The following CNTN5 variants were observed in gnomAD, a reference collection of about 807,000 sequenced individuals.
CNTN5 encodes the protein contactin 5.
CNTN5 carries 77 observed loss-of-function variants against 129.1 expected under a neutral mutation model. That is an observed-to-expected ratio of 0.60 (90% CI 0.50 to 0.72). The LOEUF is 0.72. Ranked by LOEUF, CNTN5 falls within the 30% of genes least tolerant of loss-of-function variation. The pLI, the probability that CNTN5 is intolerant of heterozygous loss-of-function variation, is 0.00. For synonymous variants in CNTN5, 509 were observed against 465.6 expected (o/e 1.09, Z -1.20); for missense variants, 1,478 against 1,328.8 (o/e 1.11, Z -1.75).
chr11:100,098,053 A>G (rs1945073021), intron 13 of CNTN5, among the ~76,000 whole-genome samples: 2 of 152,166 alleles, frequency 1.3e-5, no homozygotes, highest in South Asian at 4.1e-4. Flanking sequence ...TTTACGAGCT[A>G]AAAGTCATCA....
intron 2 of CNTN5, among the ~76,000 whole-genome samples, chr11:99,333,984 A>T (rs1339672092): frequency 6.6e-6 from 1 of 151,868 alleles, no homozygotes; most frequent in African/African-American, 2.4e-5. Flanking sequence ...ACACACACAC[A>T]CACACACACA....
chr11:99,404,976 A>C (rs981407148), intron 2 of CNTN5, among the ~76,000 whole-genome samples: 3 of 152,114 alleles, frequency 2.0e-5, no homozygotes, highest in South Asian at 4.2e-4. Flanking sequence ...TTGAAGGATA[A>C]TTTCACCGAA....
chr11:99,490,003 T>A (rs1945973681), intron 2 of CNTN5, among the ~76,000 whole-genome samples: 2 of 152,202 alleles, frequency 1.3e-5, no homozygotes, highest in African/African-American at 4.8e-5. Context: ...TTTTATTATA[T>A]CTGGACATAT....
intron 3 of CNTN5, among the ~76,000 whole-genome samples, chr11:99,592,514 A>G (rs916372078): frequency 3.3e-5 from 5 of 152,284 alleles, no homozygotes; most frequent in Admixed American, 2.6e-4. Flanking sequence ...TTTGAGTATG[A>G]TAACATGGGA....
intron 13 of CNTN5, among the ~76,000 whole-genome samples, chr11:100,188,162 A>G (rs905643932): frequency 6.6e-6 from 1 of 152,170 alleles, no homozygotes; most frequent in Non-Finnish European, 1.5e-5. Context: ...ACAAGAGGCC[A>G]GCCAGGTGCA....
At chr11:99,933,814 G>A (rs1005549117) in intron 7 of CNTN5, among the ~76,000 whole-genome samples, 9 of 152,188 alleles carry the variant, frequency 5.9e-5, no homozygotes, top group Non-Finnish European at 1.3e-4. Flanking sequence ...ATCAGTTGAT[G>A]TACATTTCAG....
chr11:99,885,246 C>T (rs779035323), intron 6 of CNTN5, among the ~76,000 whole-genome samples: 2 of 151,910 alleles, frequency 1.3e-5, no homozygotes, highest in Non-Finnish European at 2.9e-5. Context: ...CATGCTGCTG[C>T]ACTCCAGCCT....
chr11:99,113,583 G>A (rs948556112), intron 1 of CNTN5, among the ~76,000 whole-genome samples: 32 of 151,996 alleles, frequency 2.1e-4, no homozygotes, highest in Non-Finnish European at 5.9e-5. Flanking sequence ...GTCAGCTGAA[G>A]CATTTCTCCA....
chr11:99,695,398 T>C (rs922120524), intron 3 of CNTN5, among the ~76,000 whole-genome samples: 1 of 152,098 alleles, frequency 6.6e-6, no homozygotes, highest in Non-Finnish European at 1.5e-5. Flanking sequence ...CATGTGAAGA[T>C]AGACACCAGG....
intron 2 of CNTN5, among the ~76,000 whole-genome samples, chr11:99,466,987 T>C (rs1289117895): frequency 6.6e-6 from 1 of 152,160 alleles, no homozygotes; most frequent in Non-Finnish European, 1.5e-5. Context: ...AATGAATGTA[T>C]TTACTGAATG....
chr11:100,208,227 G>A (rs1342779907), intron 15 of CNTN5, among the ~76,000 whole-genome samples: 3 of 152,130 alleles, frequency 2.0e-5, no homozygotes, highest in Non-Finnish European at 4.4e-5. Flanking sequence ...AAAACCTAGT[G>A]GCTTCAAATA....
chr11:99,181,368 CA>C lies in CNTN5; in HGVS notation c.-209-143974del, dbSNP rs1017627529. Among the ~76,000 whole-genome samples, 8 of 152,242 alleles carry C rather than the reference CA, an allele frequency of 5.3e-5. No homozygotes were observed. The South Asian group carries it at 1.7e-3, about 32-fold the overall frequency. On this transcript the variant is annotated intron_variant, in intron 1 of 24. Coordinates refer to ENST00000524871, the MANE Select transcript of CNTN5 (RefSeq NM_014361.4). Reference sequence around the variant, plus strand: ...GTGCTGTGTCTCATTTGGGTTTGGGCAAAATAGACTGTTTGGTTAAAAGAAG... The same window carrying C: ...GTGCTGTGTCTCATTTGGGTTTGGGCAAATAGACTGTTTGGTTAAAAGAAG...
intron 1 of CNTN5, among the ~76,000 whole-genome samples, chr11:99,192,284 G>T (rs1249299276): frequency 1.3e-5 from 2 of 151,694 alleles, no homozygotes; most frequent in African/African-American, 4.8e-5. Context: ...AGAAAAACTG[G>T]ATAAAATGCC....
At chr11:100,109,222 T>C (rs917215751) in intron 13 of CNTN5, among the ~76,000 whole-genome samples, 2 of 152,168 alleles carry the variant, frequency 1.3e-5, no homozygotes, top group African/African-American at 4.8e-5. Context: ...AGTCAGGCAT[T>C]CGAGACCAGC....
intron 2 of CNTN5, among the ~76,000 whole-genome samples, chr11:99,513,218 T>G (rs981290072): frequency 1.3e-5 from 2 of 152,294 alleles, no homozygotes; most frequent in Non-Finnish European, 2.9e-5. Flanking sequence ...TCTTTGATTC[T>G]TTGAAGGCTG....
At chr11:99,644,795 ACTC>A (rs1951891568) in intron 3 of CNTN5, among the ~76,000 whole-genome samples, 1 of 152,088 alleles carries the variant, frequency 6.6e-6, no homozygotes, top group Non-Finnish European at 1.5e-5. Flanking sequence ...TTATTCTGAT[ACTC>A]AAAGAATAAA....
intron 3 of CNTN5, among the ~76,000 whole-genome samples, chr11:99,805,242 A>C (rs563116999): frequency 6.6e-6 from 1 of 152,270 alleles, no homozygotes; most frequent in South Asian, 2.1e-4. Context: ...AGTTAACTAG[A>C]GCAGTGCTAA....
At chr11:99,786,922 G>C (rs1945547135) in intron 3 of CNTN5, among the ~76,000 whole-genome samples, 1 of 152,066 alleles carries the variant, frequency 6.6e-6, no homozygotes, top group Admixed American at 6.6e-5. Flanking sequence ...AAAAAGTTAA[G>C]AGAATCGATA....
At chr11:100,076,769 C>T (rs962569602) in intron 13 of CNTN5, among the ~76,000 whole-genome samples, 1 of 151,990 alleles carries the variant, frequency 6.6e-6, no homozygotes. Context: ...AATAAACTGG[C>T]TTTATTGAAT....
Sources: gnomAD v4.1 joint callset for allele counts (sites outside exome capture counted in the v4.1 genomes callset) on GRCh38, gnomAD v4.1.1 for gene constraint, MANE v1.5 for transcripts, NCBI Gene and HGNC (gene_info 2026-07-23, HGNC 2026-07-21) for gene names.